Variants in PDGFC observed in about 807,000 individuals in gnomAD.
The protein encoded by PDGFC is platelet-derived growth factor C.
A neutral mutation model predicts 35.5 loss-of-function variants in PDGFC; 12 were observed. The ratio of observed to expected loss-of-function variants is 0.34; its 90% CI spans 0.22 to 0.55. The LOEUF (loss-of-function observed/expected upper bound fraction) is 0.55, where lower values mean the gene tolerates loss of function less well. Ranked by LOEUF, PDGFC falls within the 20% of genes least tolerant of loss-of-function variation. The pLI, the probability that PDGFC is intolerant of heterozygous loss-of-function variation, is 0.91. For synonymous variants in PDGFC, 159 were observed against 148.8 expected, an observed-to-expected ratio of 1.07 and a Z score of -0.50; for missense variants, 322 against 412.4, an observed-to-expected ratio of 0.78 and a Z score of 1.90.
chr4:156,949,343 A>T (rs1479426855), intron 1 of PDGFC, among the ~76,000 whole-genome samples: 2 of 151,920 alleles, frequency 1.3e-5, no homozygotes, highest in African/African-American at 4.8e-5. Flanking sequence ...GTAATGGGGA[A>T]AAAGTCTAAT....
intron 1 of PDGFC, among the ~76,000 whole-genome samples, chr4:156,897,033 A>G (rs1234567241): frequency 6.6e-6 from 1 of 152,196 alleles, no homozygotes; most frequent in Non-Finnish European, 1.5e-5. Context: ...ACGCACATTA[A>G]AGGAGCCCAG....
intron 2 of PDGFC, among the ~76,000 whole-genome samples, chr4:156,821,521 G>A (rs1732258854): frequency 6.6e-6 from 1 of 151,818 alleles, no homozygotes; most frequent in African/African-American, 2.4e-5. Context: ...GGTTACAGAT[G>A]TGAACCACCA....
chr4:156,918,143 T>C (rs764311547), intron 1 of PDGFC, among the ~76,000 whole-genome samples: 2 of 152,224 alleles, frequency 1.3e-5, no homozygotes, highest in African/African-American at 2.4e-5. Context: ...CATGTCATTA[T>C]ATTTTTGTCT....
intron 3 of PDGFC, among the ~76,000 whole-genome samples, chr4:156,806,006 A>G (rs964350154): frequency 2.6e-5 from 4 of 152,052 alleles, no homozygotes; most frequent in Non-Finnish European, 5.9e-5. Flanking sequence ...ATTAAGAAAA[A>G]CACACAGTGG....
chr4:156,859,776 C>T (rs984776163), intron 1 of PDGFC, among the ~76,000 whole-genome samples: 9 of 151,956 alleles, frequency 5.9e-5, no homozygotes, highest in South Asian at 2.1e-4. Flanking sequence ...TGTGGGAAGA[C>T]GGGTTGCTTA....
At chr4:156,789,204 T>C (rs1316323469) in intron 3 of PDGFC, among the ~76,000 whole-genome samples, 1 of 152,198 alleles carries the variant, frequency 6.6e-6, no homozygotes, top group East Asian at 1.9e-4. Context: ...TCTAATCAAA[T>C]ACGGAGTGCA....
chr4:156,903,074 C>A (rs1730827531), intron 1 of PDGFC, among the ~76,000 whole-genome samples: 2 of 139,924 alleles, frequency 1.4e-5, no homozygotes, highest in Non-Finnish European at 1.5e-5. Flanking sequence ...ACATCAAAAC[C>A]AATAAGGACA....
intron 1 of PDGFC, 140 bp downstream of exon 1, chr4:156,970,636 GTCCATGCCAA>G: frequency 3.0e-6 from 2 of 672,424 alleles, no homozygotes; most frequent in Admixed American, 4.2e-5. Context: ...ACCTTTAACA[GTCCATGCCAA>G]TGAACGCAGC....
intron 1 of PDGFC, among the ~76,000 whole-genome samples, chr4:156,889,575 T>C (rs370637559): frequency 6.6e-6 from 1 of 152,232 alleles, no homozygotes; most frequent in East Asian, 1.9e-4. Context: ...GACAATACTG[T>C]AAGTAGGAGT....
chr4:156,834,312 C>G (rs1729012291), intron 2 of PDGFC, among the ~76,000 whole-genome samples: 1 of 152,086 alleles, frequency 6.6e-6, no homozygotes. Flanking sequence ...AGTAGGTAAA[C>G]TGCTGCAATT....
intron 5 of PDGFC, among the ~76,000 whole-genome samples, chr4:156,764,513 G>C (rs1414686595): frequency 6.6e-6 from 1 of 152,138 alleles, no homozygotes; most frequent in African/African-American, 2.4e-5. Flanking sequence ...TAGAGAGATA[G>C]ATAATAATTT....
intron 1 of PDGFC, among the ~76,000 whole-genome samples, chr4:156,940,133 T>G (rs79829572): frequency 0.091 from 13,888 of 152,114 alleles, 1,901 homozygotes; most frequent in African/African-American, 0.3. Context: ...ACTACTGGTT[T>G]GAAGTCAAAG....
chr4:156,900,806 G>C (rs993883118), intron 1 of PDGFC, among the ~76,000 whole-genome samples: 1 of 151,894 alleles, frequency 6.6e-6, no homozygotes, highest in Non-Finnish European at 1.5e-5. Context: ...CTGCACTCCA[G>C]CCTGAGTGAC....
At chr4:156,925,143 T>A (rs144492223) in intron 1 of PDGFC, among the ~76,000 whole-genome samples, 31 of 152,220 alleles carry the variant, frequency 2.0e-4, no homozygotes, top group African/African-American at 5.8e-4. Flanking sequence ...CCATGTGTTT[T>A]CAGGAAGGAA....
At chr4:156,900,393 A>C (rs1730737839) in intron 1 of PDGFC, among the ~76,000 whole-genome samples, 1 of 152,188 alleles carries the variant, frequency 6.6e-6, no homozygotes, top group Admixed American at 6.5e-5. Flanking sequence ...TAACCTGGGA[A>C]TCATGATCAT....
chr4:156,847,786 A>G (rs1359376620), intron 2 of PDGFC, among the ~76,000 whole-genome samples: 3 of 151,842 alleles, frequency 2.0e-5, no homozygotes, highest in Admixed American at 2.0e-4. Flanking sequence ...ATGCTCCAAA[A>G]TGGGAATAAA....
At chr4:156,802,027 C>T (rs1369623589) in intron 3 of PDGFC, among the ~76,000 whole-genome samples, 1 of 152,172 alleles carries the variant, frequency 6.6e-6, no homozygotes, top group African/African-American at 2.4e-5. Flanking sequence ...TATTTTCCTA[C>T]CTGCCCCTTT....
chr4:156,806,680 A>G lies in PDGFC; in HGVS notation c.495+4157T>C, dbSNP rs185824331. Among the ~76,000 whole-genome samples the G allele has an allele frequency of 3.3e-5, 5 of 152,190 alleles. No homozygotes were observed. In the East Asian group the frequency reaches 9.7e-4, roughly 29 times the overall value. On this transcript the variant is annotated intron_variant, in intron 3 of 5. Transcript: ENST00000502773. The stretch of plus-strand genomic sequence containing the variant: ...GTTTAATTGAAGCAGTTTTCTGACC[A>G]AAAAATATGCAGTACTTTTTACTTT...
chr4:156,926,068 A>AC (rs1375790190), intron 1 of PDGFC, among the ~76,000 whole-genome samples: 1 of 150,880 alleles, frequency 6.6e-6, no homozygotes, highest in East Asian at 1.9e-4. Context: ...AAAAAAAAAA[A>AC]AAAAAGACAG....
Sources: allele counts gnomAD v4.1 joint callset (sites outside exome capture counted in the v4.1 genomes callset), GRCh38; gene constraint gnomAD v4.1.1; transcripts MANE v1.5; gene names NCBI Gene and HGNC (gene_info 2026-07-23, HGNC 2026-07-21).